Variants in INPP4B observed in about 807,000 individuals in gnomAD.
INPP4B encodes inositol polyphosphate-4-phosphatase type II B.
In INPP4B, 55 loss-of-function variants were observed where a neutral mutation model predicts 122.5. The ratio of observed to expected loss-of-function variants is 0.45; its 90% CI spans 0.36 to 0.56. The LOEUF (loss-of-function observed/expected upper bound fraction) is 0.56, where lower values mean the gene tolerates loss of function less well. Ranked by LOEUF, INPP4B falls within the 20% of genes least tolerant of loss-of-function variation. The pLI is 0.00. For synonymous variants in INPP4B, 403 were observed against 388.7 expected, an observed-to-expected ratio of 1.04 and a Z score of -0.43; for missense variants, 1,000 against 1,097.7, an observed-to-expected ratio of 0.91 and a Z score of 1.26.
Position 142,160,417 on chromosome 4 carries a change from G to A in INPP4B, c.1504C>T (p.Pro502Ser), listed in dbSNP as rs1218624108. The A allele has an allele frequency of 6.2e-7, 1 of 1,605,924 alleles. No individual in the cohort carries two copies. The highest frequency in any genetic ancestry group is 1.3e-5 in the African/African-American group (1 of 74,708). The change falls in exon 17 of 26, where the codon CCA becomes TCA. Residue 502 changes from proline to serine, a missense_variant. Pro to Ser is a moderately conservative substitution (Grantham distance 74). Transcript: ENST00000262992. Reference protein sequence around the residue: ...TEESSPQDQPPVMRGQDSIPH... With the variant: ...TEESSPQDQPSVMRGQDSIPH... ...ATGGAGTCCTGCCCTCTCATCACTG[G>A]GGGTTGGTCTTGGGGACTGCTCTCC...
chr4:142,360,721 G>C (rs1244084658), intron 7 of INPP4B, among the ~76,000 whole-genome samples: 1 of 151,892 alleles, frequency 6.6e-6, no homozygotes, highest in Admixed American at 6.6e-5. Flanking sequence ...TAATAGTCAA[G>C]ATGATGGTTA....
chr4:142,352,758 G>T (rs921603040), intron 7 of INPP4B, among the ~76,000 whole-genome samples: 1 of 151,856 alleles, frequency 6.6e-6, no homozygotes, highest in African/African-American at 2.4e-5. Flanking sequence ...AATATTATCA[G>T]GATTTGCCTT....
intron 7 of INPP4B, among the ~76,000 whole-genome samples, chr4:142,327,092 A>T (rs916831334): frequency 6.6e-6 from 1 of 152,148 alleles, no homozygotes; most frequent in Non-Finnish European, 1.5e-5. Context: ...ATAGAAACAG[A>T]CACAATTTAT....
chr4:142,513,206 G>A (rs1824960411), intron 2 of INPP4B, among the ~76,000 whole-genome samples: 1 of 152,158 alleles, frequency 6.6e-6, no homozygotes, highest in African/African-American at 2.4e-5. Flanking sequence ...ACAAAGACAA[G>A]TGTCTTAGCC....
At chr4:142,400,212 T>C (rs1258561650) in intron 7 of INPP4B, among the ~76,000 whole-genome samples, 1 of 152,146 alleles carries the variant, frequency 6.6e-6, no homozygotes, top group Non-Finnish European at 1.5e-5. Flanking sequence ...ATAAGCTCAA[T>C]AGGAAAACAC....
chr4:142,677,289 T>A (rs1269368327), intron 2 of INPP4B, among the ~76,000 whole-genome samples: 1 of 152,022 alleles, frequency 6.6e-6, no homozygotes, highest in African/African-American at 2.4e-5. Context: ...AAAACCACAA[T>A]GAGATACTAT....
chr4:142,826,020 C>T (rs889001027), intron 1 of INPP4B, among the ~76,000 whole-genome samples: 1 of 152,008 alleles, frequency 6.6e-6, no homozygotes, highest in Non-Finnish European at 1.5e-5. Context: ...CTGTTCTAAA[C>T]ACTGATTTTT....
In INPP4B at chr4:142,055,883, C is replaced by T. The variant is rs534596578; in HGVS notation, c.2642+26148G>A. 1.2e-4 allele frequency among the ~76,000 whole-genome samples: 18 copies of T among 151,782 alleles called. No individual in the cohort carries two copies. The South Asian group carries it at 1.2e-3, about 11-fold the overall frequency. On this transcript the variant is annotated intron_variant, in intron 25 of 25. Coordinates refer to ENST00000262992, the MANE Select transcript of INPP4B (RefSeq NM_001101669.3). ...TTTATTGTGTACTTTATTTCTATTACATTGTGATATATAATAAAATAATTA... is the reference window on the plus strand; with the variant it reads ...TTTATTGTGTACTTTATTTCTATTATATTGTGATATATAATAAAATAATTA...
At chr4:142,705,047 T>C (rs1369262468) in intron 2 of INPP4B, among the ~76,000 whole-genome samples, 7 of 152,200 alleles carry the variant, frequency 4.6e-5, no homozygotes, top group Admixed American at 1.3e-4. Flanking sequence ...AAATTCACCA[T>C]ACCCTTTCTG....
intron 2 of INPP4B, 77 bp from the exon 3 acceptor site, chr4:142,462,803 A>C (rs1016326197): frequency 6.6e-6 from 1 of 152,214 alleles, no homozygotes; most frequent in African/African-American, 2.4e-5. Flanking sequence ...CCATAGGTAA[A>C]GTGTTTAATA....
chr4:142,778,274 A>C (rs919652750), intron 1 of INPP4B, among the ~76,000 whole-genome samples: 4 of 152,130 alleles, frequency 2.6e-5, no homozygotes, highest in Admixed American at 2.6e-4. Context: ...TTATTAAGCT[A>C]TCAGCCTCAA....
intron 10 of INPP4B, among the ~76,000 whole-genome samples, chr4:142,266,877 G>A (rs904160810): frequency 4.6e-5 from 7 of 151,838 alleles, no homozygotes; most frequent in African/African-American, 1.2e-4. Context: ...AAAGTTGAAG[G>A]ATACACAATC....
intron 1 of INPP4B, among the ~76,000 whole-genome samples, chr4:142,749,398 C>G (rs181150537): frequency 1.2e-3 from 185 of 148,592 alleles, no homozygotes; most frequent in African/African-American, 4.5e-3. Flanking sequence ...AAAAAGTAAC[C>G]AAGTAAATCT....
intron 2 of INPP4B, among the ~76,000 whole-genome samples, chr4:142,553,815 T>G (rs1046938552): frequency 1.3e-5 from 2 of 152,082 alleles, no homozygotes; most frequent in African/African-American, 4.8e-5. Flanking sequence ...AAAGACCAGG[T>G]CAAGACATAC....
At chr4:142,623,027 C>G (rs1037790402) in intron 2 of INPP4B, among the ~76,000 whole-genome samples, 1 of 151,960 alleles carries the variant, frequency 6.6e-6, no homozygotes, top group Admixed American at 6.6e-5. Context: ...TAAATATCCT[C>G]ATATCCCAGA....
chr4:142,293,989 A>C (rs1757509994), intron 9 of INPP4B, among the ~76,000 whole-genome samples: 1 of 152,192 alleles, frequency 6.6e-6, no homozygotes, highest in Admixed American at 6.5e-5. Flanking sequence ...GAGCTAAGTA[A>C]TGTGTACACG....
chr4:142,029,385 T>C, intron 25 of INPP4B: 2 of 984,586 alleles, frequency 2.0e-6, no homozygotes, highest in Non-Finnish European at 2.4e-6. Context: ...TTATTTTAGC[T>C]GTGCAAGGAA....
intron 2 of INPP4B, among the ~76,000 whole-genome samples, chr4:142,510,841 C>G (rs1671358888): frequency 3.9e-5 from 6 of 152,124 alleles, no homozygotes; most frequent in Admixed American, 3.9e-4. Context: ...AGTTTTCACT[C>G]AACAATTAAT....
chr4:142,739,966 G>A (rs1188977404), intron 1 of INPP4B, among the ~76,000 whole-genome samples: 2 of 151,952 alleles, frequency 1.3e-5, no homozygotes, highest in Non-Finnish European at 2.9e-5. Flanking sequence ...TTCTGATTTA[G>A]CCGAAAGAGG....
Sources: allele counts gnomAD v4.1 joint callset (sites outside exome capture counted in the v4.1 genomes callset), GRCh38; gene constraint gnomAD v4.1.1; transcripts MANE v1.5; gene names NCBI Gene and HGNC (gene_info 2026-07-23, HGNC 2026-07-21).